MARCHF10: variants seen among roughly 807,000 people sequenced by gnomAD.
MARCHF10 encodes probable E3 ubiquitin-protein ligase MARCHF10.
MARCHF10 carries 64 observed loss-of-function variants against 76.2 expected under a neutral mutation model. The observed-to-expected ratio is 0.84, with a 90% CI of 0.69 to 1.03. The LOEUF (loss-of-function observed/expected upper bound fraction) is 1.03. Among genes scored for constraint, MARCHF10 ranks in the 50% least tolerant of loss-of-function variants. The probability of loss-of-function intolerance (pLI) is 0.00; values close to 1 mark genes in which losing one functional copy is unlikely to be tolerated. For synonymous variants in MARCHF10, 340 were observed against 357.5 expected (o/e 0.95, Z 0.55); for missense variants, 875 against 958.0 (o/e 0.91, Z 1.14).
intron 8 of MARCHF10, among the ~76,000 whole-genome samples, chr17:62,718,801 CTATT>C (rs1395558756): frequency 2.0e-5 from 3 of 152,182 alleles, no homozygotes; most frequent in African/African-American, 7.2e-5. Flanking sequence ...CCTCAAAACA[CTATT>C]TATTTCTCAA....
chr17:62,798,840 C>T (rs2093028458), intron 2 of MARCHF10, among the ~76,000 whole-genome samples: 1 of 152,170 alleles, frequency 6.6e-6, no homozygotes, highest in Non-Finnish European at 1.5e-5. Flanking sequence ...CAATGAGAGG[C>T]CTGTGGATGG....
At position 62,787,944 on chromosome 17, in the gene MARCHF10, T is replaced by C. The variant is rs73992064; in HGVS notation, c.210+536A>G. On this transcript the variant is annotated intron_variant, in intron 3 of 10. Coordinates refer to ENST00000311269, the MANE Select transcript of MARCHF10 (RefSeq NM_152598.4). ...TATTATCATATTGTTATTATCACAT[T>C]GTTATATCATTCTAAGCAAAAATAT... Among the ~76,000 whole-genome samples, 721 of 152,336 alleles carry C rather than the reference T, an allele frequency of 4.7e-3. 4 individuals are homozygous for C. The highest frequency in any genetic ancestry group is 0.017 in the African/African-American group (696 of 41,568).
chr17:62,740,645 TCTTTTTTTCTTA>T (rs1403431957), intron 5 of MARCHF10, among the ~76,000 whole-genome samples: 1 of 152,022 alleles, frequency 6.6e-6, no homozygotes, highest in Non-Finnish European at 1.5e-5. Flanking sequence ...TGGCTCAGCT[TCTTTTTTTCTTA>T]CTTTTTTTTT....
chr17:62,745,534 A>T (rs183236178), intron 4 of MARCHF10, among the ~76,000 whole-genome samples: 2 of 152,218 alleles, frequency 1.3e-5, no homozygotes, highest in Non-Finnish European at 2.9e-5. Context: ...TTTGAATCAC[A>T]ACATATTTTG....
intron 4 of MARCHF10, among the ~76,000 whole-genome samples, chr17:62,747,261 T>G (rs2091738366): frequency 6.6e-6 from 1 of 152,232 alleles, no homozygotes; most frequent in South Asian, 2.1e-4. Flanking sequence ...CACATTTTTT[T>G]GTTGTGCAGA....
intron 3 of MARCHF10, among the ~76,000 whole-genome samples, chr17:62,771,071 G>A (rs1044941654): frequency 1.3e-5 from 2 of 151,908 alleles, no homozygotes; most frequent in Non-Finnish European, 2.9e-5. Flanking sequence ...TAGCCAGGAT[G>A]GTCTTGATCT....
At chr17:62,756,549 T>C (rs1370957393) in intron 4 of MARCHF10, among the ~76,000 whole-genome samples, 1 of 152,232 alleles carries the variant, frequency 6.6e-6, no homozygotes, top group African/African-American at 2.4e-5. Flanking sequence ...CAAAGTTTTC[T>C]AGTCCCATCT....
intron 10 of MARCHF10, among the ~76,000 whole-genome samples, chr17:62,703,956 C>T (rs2089408841): frequency 6.6e-6 from 1 of 152,180 alleles, no homozygotes; most frequent in South Asian, 2.1e-4. Flanking sequence ...GGGGTCGCCC[C>T]TGCCCAGCGG....
Position 62,736,374 on chromosome 17 carries a change from G to A in MARCHF10, c.1494C>T (p.Ser498=). The A allele has an allele frequency of 6.2e-7, 1 of 1,614,210 alleles. No individual in the cohort carries two copies. Among genetic ancestry groups the A allele is most frequent in the Non-Finnish European group, 8.5e-7 (1 of 1,180,044 alleles). ...DLSMSSTSVH[S]SDSEGNSGFH... is the part of the protein sequence containing the mutation. ...ACCCTGAGTTTCCCTCTGAGTCTGA[G>A]CTGTGAACTGAAGTCGATGACATTG... is the stretch of plus-strand genomic sequence containing the variant. The change falls in exon 6 of 11, where the codon AGC becomes AGT. Residue 498 remains serine, a synonymous_variant. Transcript: ENST00000311269.
At chr17:62,704,805 T>G in intron 10 of MARCHF10, 2 of 478,518 alleles carry the variant, frequency 4.2e-6, no homozygotes, top group Non-Finnish European at 5.5e-6. Flanking sequence ...AGTTGTGAAA[T>G]TTTCCCCCAG....
intron 4 of MARCHF10, among the ~76,000 whole-genome samples, chr17:62,756,129 T>A (rs2092033702): frequency 1.3e-5 from 2 of 152,090 alleles, no homozygotes; most frequent in South Asian, 2.1e-4. Context: ...ATGTCTGTAA[T>A]CCCAGCTACT....
intron 6 of MARCHF10, chr17:62,726,163 T>C (rs2090747929): frequency 6.6e-6 from 1 of 152,232 alleles, no homozygotes; most frequent in South Asian, 2.1e-4. Flanking sequence ...TAAGTAAAGA[T>C]ATTTGTGTCT....
At position 62,740,420 on chromosome 17, in the gene MARCHF10, C is replaced by T. The variant is rs541298812; in HGVS notation, c.536-3088G>A. 9.8e-5 allele frequency among the ~76,000 whole-genome samples: 15 copies of T among 152,302 alleles called. No individual in the cohort carries two copies. In the East Asian group the frequency reaches 2.1e-3, roughly 22 times the overall value. ...GGTGTGCTTGACCAATAGTTTCCTA[C>T]ATTCCAACAGCCACACACTTTTAAC... On this transcript the variant is annotated intron_variant, in intron 5 of 10. Transcript: ENST00000311269.
intron 3 of MARCHF10, among the ~76,000 whole-genome samples, chr17:62,761,177 C>T (rs2092191740): frequency 6.6e-6 from 1 of 152,236 alleles, no homozygotes; most frequent in African/African-American, 2.4e-5. Flanking sequence ...GTGGACACAT[C>T]ATTATGCTCC....
rs1230106200 is a variant in MARCHF10 at position 62,779,730 on chromosome 17, A to G, written c.210+8750T>C. Among the ~76,000 whole-genome samples, 2 of 152,218 alleles carry G rather than the reference A, an allele frequency of 1.3e-5. 1 individual carries two copies. Among genetic ancestry groups the G allele is most frequent in the South Asian group, 4.1e-4 (2 of 4,828 alleles). On this transcript the variant is annotated intron_variant, in intron 3 of 10. Coordinates refer to ENST00000311269, the MANE Select transcript of MARCHF10 (RefSeq NM_152598.4). ...TCTTGTTTTGTTTTTGAGCTTGACT[A>G]TAATCTGGAGCTGTGCTGTGCCACA...
intron 8 of MARCHF10, among the ~76,000 whole-genome samples, chr17:62,716,019 C>T (rs1230633783): frequency 1.3e-5 from 2 of 152,208 alleles, no homozygotes; most frequent in East Asian, 3.9e-4. Context: ...ATGTCACAGA[C>T]TTCACTCCAA....
chr17:62,706,310 C>T (rs954594575), intron 9 of MARCHF10: 6 of 152,216 alleles, frequency 3.9e-5, no homozygotes, highest in African/African-American at 1.4e-4. Flanking sequence ...TCTAGAGTAG[C>T]AGGTCCTGGT....
At position 62,766,974 on chromosome 17, in the gene MARCHF10, G is replaced by T. The variant is rs531005068; in HGVS notation, c.211-6968C>A. On this transcript the variant is annotated intron_variant, in intron 3 of 10. Transcript: ENST00000311269. ...TGAAAGGTCAAGGGAAGGTGGTGGT[G>T]TGTGCTGGGACTTGAAGAATGGGTG... 2.0e-5 allele frequency among the ~76,000 whole-genome samples: 3 copies of T among 152,322 alleles called. No individual in the cohort carries two copies. The East Asian group carries it at 5.8e-4, about 29-fold the overall frequency.
At chr17:62,797,501 A>G (rs188474286) in intron 2 of MARCHF10, among the ~76,000 whole-genome samples, 96 of 152,272 alleles carry the variant, frequency 6.3e-4, no homozygotes, top group African/African-American at 2.3e-3. Context: ...ACCACACCTG[A>G]CCAGTAAAGT....
Sources: gnomAD v4.1 joint callset for allele counts (sites outside exome capture counted in the v4.1 genomes callset) on GRCh38, gnomAD v4.1.1 for gene constraint, MANE v1.5 for transcripts, NCBI Gene and HGNC (gene_info 2026-07-23, HGNC 2026-07-21) for gene names.